Variants in ST18 observed in about 807,000 individuals in gnomAD.
The protein encoded by ST18 is ST18 C2H2C-type zinc finger transcription factor, also known as suppression of tumorigenicity 18 protein.
In ST18, 50 loss-of-function variants were observed where a neutral mutation model predicts 110.0. The observed-to-expected ratio is 0.45, with a 90% CI of 0.36 to 0.58. The LOEUF (loss-of-function observed/expected upper bound fraction) is 0.58. ST18 is among the 20% of genes least tolerant of loss of function. The pLI, the probability that ST18 is intolerant of heterozygous loss-of-function variation, is 0.00. For synonymous variants in ST18, 461 were observed against 452.4 expected (o/e 1.02, Z -0.24); for missense variants, 1,306 against 1,280.1 (o/e 1.02, Z -0.31).
chr8:52,186,994 C>T (rs766900126), intron 8 of ST18, among the ~76,000 whole-genome samples: 1 of 151,660 alleles, frequency 6.6e-6, no homozygotes, highest in Non-Finnish European at 1.5e-5. Flanking sequence ...GCTATACATA[C>T]ATAAGTTGTG....
chr8:52,377,377 T>C (rs76362074), intron 2 of ST18, among the ~76,000 whole-genome samples: 1,606 of 152,298 alleles, frequency 0.011, 35 homozygotes, highest in African/African-American at 0.037. Context: ...GATATTTAGT[T>C]ACTGTTCTAT....
intron 2 of ST18, among the ~76,000 whole-genome samples, chr8:52,279,191 G>T (rs1434674292): frequency 3.3e-5 from 5 of 152,070 alleles, no homozygotes; most frequent in African/African-American, 4.8e-5. Context: ...TCTAATCTAT[G>T]ATTATTGAAG....
intron 8 of ST18, among the ~76,000 whole-genome samples, chr8:52,195,282 TACAG>T (rs1229292870): frequency 2.6e-5 from 4 of 152,200 alleles, no homozygotes; most frequent in African/African-American, 9.6e-5. Flanking sequence ...AGAATTCAGA[TACAG>T]ACATTTATTA....
chr8:52,295,843 CCTT>C (rs1487835338), intron 2 of ST18, among the ~76,000 whole-genome samples: 3 of 151,476 alleles, frequency 2.0e-5, no homozygotes, highest in African/African-American at 4.9e-5. Context: ...GCTCAATCTG[CCTT>C]CTTATTATTG....
chr8:52,192,000 C>G (rs1351466902), intron 8 of ST18, among the ~76,000 whole-genome samples: 1 of 152,104 alleles, frequency 6.6e-6, no homozygotes, highest in East Asian at 1.9e-4. Context: ...TTAATCCACC[C>G]ACAGACAGAA....
chr8:52,223,878 A>T (rs942893358), intron 3 of ST18, among the ~76,000 whole-genome samples: 10 of 152,120 alleles, frequency 6.6e-5, no homozygotes, highest in Non-Finnish European at 1.0e-4. Context: ...TCTGATATAA[A>T]CCATAGCATC....
chr8:52,209,750 AC>A (rs1299362953), intron 8 of ST18, among the ~76,000 whole-genome samples: 15 of 144,010 alleles, frequency 1.0e-4, no homozygotes, highest in African/African-American at 3.9e-4. Context: ...AGCTTGGGCA[AC>A]AAGAGCGAAA....
At chr8:52,323,789 G>A (rs531969298) in intron 2 of ST18, among the ~76,000 whole-genome samples, 11 of 152,246 alleles carry the variant, frequency 7.2e-5, no homozygotes, top group South Asian at 2.1e-4. Context: ...CTCCACTTCC[G>A]GCCTGTCTTC....
intron 2 of ST18, among the ~76,000 whole-genome samples, chr8:52,388,582 G>C (rs998202676): frequency 6.6e-6 from 1 of 152,024 alleles, no homozygotes; most frequent in Non-Finnish European, 1.5e-5. Flanking sequence ...ATCAGCCCCA[G>C]GGTGCTTGTT....
Position 52,133,319 on chromosome 8 carries a change from A to C in ST18, c.2301-18T>G, listed in dbSNP as rs1371432946. 6.2e-7 allele frequency: 1 copy of C among 1,614,022 alleles called. No homozygotes were observed. The highest frequency in any genetic ancestry group is 1.3e-5 in the African/African-American group (1 of 74,926). On this transcript the variant is annotated intron_variant, in intron 19 of 25. Transcript: ENST00000689386. ...TTGGACACCTGGAAGGCACAGGAAG[A>C]GAGCATGGGCTGAGAAGTTGTAGTT...
At chr8:52,128,042 C>T (rs765081487) in intron 22 of ST18, among the ~76,000 whole-genome samples, 17 of 151,894 alleles carry the variant, frequency 1.1e-4, no homozygotes, top group Non-Finnish European at 2.4e-4. Context: ...CAATTTGGCT[C>T]ACTGCAACCT....
intron 2 of ST18, among the ~76,000 whole-genome samples, chr8:52,395,121 T>C (rs113491561): frequency 5.3e-5 from 8 of 152,350 alleles, no homozygotes; most frequent in African/African-American, 1.4e-4. Flanking sequence ...CTGGCTGGAC[T>C]GGAGTATGAC....
At chr8:52,180,777 C>T (rs888953348) in intron 8 of ST18, among the ~76,000 whole-genome samples, 1 of 152,152 alleles carries the variant, frequency 6.6e-6, no homozygotes, top group African/African-American at 2.4e-5. Flanking sequence ...TGAAATGTCA[C>T]ATATCTTGGA....
intron 8 of ST18, among the ~76,000 whole-genome samples, chr8:52,208,851 A>G (rs1438030028): frequency 6.6e-6 from 1 of 152,142 alleles, no homozygotes; most frequent in Non-Finnish European, 1.5e-5. Flanking sequence ...AAATAGATAA[A>G]TAAAACAACT....
At chr8:52,408,328 T>C (rs1210755602) in intron 2 of ST18, among the ~76,000 whole-genome samples, 1 of 152,200 alleles carries the variant, frequency 6.6e-6, no homozygotes, top group Non-Finnish European at 1.5e-5. Context: ...GTTAGAAAGA[T>C]CAAGGCTCCA....
At chr8:52,234,884 T>C (rs998014762) in intron 2 of ST18, among the ~76,000 whole-genome samples, 2 of 152,092 alleles carry the variant, frequency 1.3e-5, no homozygotes, top group East Asian at 1.9e-4. Context: ...AAACATTATA[T>C]GTTCTCACAT....
intron 8 of ST18, among the ~76,000 whole-genome samples, chr8:52,197,646 A>C (rs16917430): frequency 0.21 from 31,623 of 152,126 alleles, 3,317 homozygotes; most frequent in Middle Eastern, 0.28. Context: ...AAATCTGAAG[A>C]AGGAAAGATA....
intron 8 of ST18, among the ~76,000 whole-genome samples, chr8:52,209,448 A>G (rs1217181781): frequency 1.3e-5 from 2 of 152,192 alleles, no homozygotes; most frequent in Non-Finnish European, 2.9e-5. Flanking sequence ...AGAAAGCTCA[A>G]GAGTGTCTGG....
chr8:52,295,710 CT>C (rs371927202), intron 2 of ST18, among the ~76,000 whole-genome samples: 55 of 130,812 alleles, frequency 4.2e-4, no homozygotes, highest in Middle Eastern at 4.1e-3. Context: ...TCTTTTTTTC[CT>C]TTTTTTTTTT....
Sources: gnomAD v4.1 joint callset for allele counts (sites outside exome capture counted in the v4.1 genomes callset) on GRCh38, gnomAD v4.1.1 for gene constraint, MANE v1.5 for transcripts, NCBI Gene and HGNC (gene_info 2026-07-23, HGNC 2026-07-21) for gene names.